The following GPHN variants were observed in gnomAD, a reference collection of about 807,000 sequenced individuals.
The protein encoded by GPHN is gephyrin.
GPHN carries 17 observed loss-of-function variants against 95.5 expected under a neutral mutation model. The observed-to-expected ratio is 0.18, with a 90% CI of 0.12 to 0.27. GPHN has a LOEUF of 0.27. Among genes scored for constraint, GPHN ranks in the 10% least tolerant of loss-of-function variants. The pLI is 1.00. For missense variants in GPHN, 660 were observed against 978.1 expected (o/e 0.67, Z 4.34); for synonymous variants, 320 against 322.5 (o/e 0.99, Z 0.08).
At chr14:67,328,056 A>C in the GPHN span, among the ~76,000 whole-genome samples, 1 of 152,198 alleles carries the variant, frequency 6.6e-6, no homozygotes, top group African/African-American at 2.4e-5. Flanking sequence ...AGGAATCACC[A>C]CACTGTCTTC....
At chr14:67,375,121 C>T in the GPHN span, among the ~76,000 whole-genome samples, 1 of 152,144 alleles carries the variant, frequency 6.6e-6, no homozygotes, top group Non-Finnish European at 1.5e-5. Flanking sequence ...TCCTGCTTGT[C>T]ATCCACAGTA....
chr14:67,491,330 G>A, the GPHN span, among the ~76,000 whole-genome samples: 1 of 152,134 alleles, frequency 6.6e-6, no homozygotes, highest in Non-Finnish European at 1.5e-5. Flanking sequence ...TATGTAGCTT[G>A]ATCTCCACCC....
At chr14:66,757,571 G>A (rs137904391) in intron 2 of GPHN, among the ~76,000 whole-genome samples, 72 of 152,232 alleles carry the variant, frequency 4.7e-4, no homozygotes, top group African/African-American at 1.7e-3. Flanking sequence ...TGTATTTTTA[G>A]TAGAGACAGG....
At chr14:67,302,840 T>G in the GPHN span, among the ~76,000 whole-genome samples, 1 of 152,134 alleles carries the variant, frequency 6.6e-6, no homozygotes, top group Non-Finnish European at 1.5e-5. Context: ...CAGTACATAT[T>G]TATTGAGTGC....
At chr14:66,885,715 A>G (rs758470208) in intron 5 of GPHN, among the ~76,000 whole-genome samples, 1 of 152,118 alleles carries the variant, frequency 6.6e-6, no homozygotes, top group Non-Finnish European at 1.5e-5. Flanking sequence ...AGGCAGCTAC[A>G]TATATGGGGG....
chr14:67,549,293 CAG>C, the GPHN span, among the ~76,000 whole-genome samples: 145 of 148,244 alleles, frequency 9.8e-4, 1 homozygote, highest in Admixed American at 2.9e-3. Flanking sequence ...TTTTTTGAGA[CAG>C]AGTCTCACTT....
At chr14:66,732,186 AG>A (rs1453582740) in intron 2 of GPHN, among the ~76,000 whole-genome samples, 3 of 152,288 alleles carry the variant, frequency 2.0e-5, no homozygotes, top group South Asian at 4.1e-4. Context: ...GGCACTGCCT[AG>A]TGGAGCTATG....
the GPHN span, among the ~76,000 whole-genome samples, chr14:67,346,779 T>A: frequency 6.6e-6 from 1 of 152,232 alleles, no homozygotes. Context: ...AAGATCTTAT[T>A]TGACTTTAAA....
At chr14:67,262,925 A>C in the GPHN span, among the ~76,000 whole-genome samples, 1 of 152,194 alleles carries the variant, frequency 6.6e-6, no homozygotes, top group Non-Finnish European at 1.5e-5. Context: ...GCCAGTTTGA[A>C]AATGTTATAA....
intron 1 of GPHN, among the ~76,000 whole-genome samples, chr14:66,615,254 AT>A (rs2062957565): frequency 6.6e-6 from 1 of 152,138 alleles, no homozygotes; most frequent in African/African-American, 2.4e-5. Context: ...GTCAAATGGT[AT>A]TTCTGGTTCT....
At chr14:66,770,230 C>T (rs1235929727) in intron 2 of GPHN, among the ~76,000 whole-genome samples, 1 of 152,150 alleles carries the variant, frequency 6.6e-6, no homozygotes, top group Non-Finnish European at 1.5e-5. Context: ...GGCTATTAGA[C>T]CTTTGTCAGA....
chr14:67,148,558 C>CTTTTT (rs368140123), intron 18 of GPHN, among the ~76,000 whole-genome samples: 18 of 109,046 alleles, frequency 1.7e-4, no homozygotes, highest in Admixed American at 7.5e-4. Flanking sequence ...ACTTTATTTG[C>CTTTTT]TTTTTTTTTT....
intron 10 of GPHN, among the ~76,000 whole-genome samples, chr14:67,032,352 G>A (rs1332213187): frequency 1.3e-5 from 2 of 152,194 alleles, no homozygotes; most frequent in Admixed American, 6.5e-5. Context: ...GGCCTACAGT[G>A]CCACACACAG....
chr14:66,658,293 G>A (rs2065423673), intron 1 of GPHN, among the ~76,000 whole-genome samples: 1 of 152,064 alleles, frequency 6.6e-6, no homozygotes, highest in South Asian at 2.1e-4. Context: ...GTTCCTTGAG[G>A]TGGAATCTAC....
At chr14:67,463,375 C>T in the GPHN span, among the ~76,000 whole-genome samples, 1 of 152,196 alleles carries the variant, frequency 6.6e-6, no homozygotes, top group Non-Finnish European at 1.5e-5. Flanking sequence ...CGCGGTGGCT[C>T]ACGCCTGTAA....
At chr14:67,335,786 A>C in the GPHN span, 3 of 152,560 alleles carry the variant, frequency 2.0e-5, no homozygotes, top group Non-Finnish European at 4.4e-5. Context: ...TGTAAAAATA[A>C]AAAGTAAAAT....
At chr14:66,958,832 A>C (rs2068705597) in intron 8 of GPHN, among the ~76,000 whole-genome samples, 1 of 152,108 alleles carries the variant, frequency 6.6e-6, no homozygotes, top group Non-Finnish European at 1.5e-5. Context: ...GTTTATGTAC[A>C]TTTAATGCAA....
intron 3 of GPHN, among the ~76,000 whole-genome samples, chr14:66,805,462 A>G (rs2060508801): frequency 1.3e-5 from 2 of 152,200 alleles, no homozygotes; most frequent in Admixed American, 1.3e-4. Context: ...AACATATTTC[A>G]GCATTAGCTC....
At chr14:67,562,282 A>G in the GPHN span, 1 of 1,613,734 alleles carries the variant, frequency 6.2e-7, no homozygotes, top group Non-Finnish European at 8.5e-7. Flanking sequence ...CTGTGCTTGC[A>G]CCTTCCCCAG....
Sources: gnomAD v4.1 joint callset for allele counts (sites outside exome capture counted in the v4.1 genomes callset) on GRCh38, gnomAD v4.1.1 for gene constraint, MANE v1.5 for transcripts, NCBI Gene and HGNC (gene_info 2026-07-23, HGNC 2026-07-21) for gene names.